The following TENM2 variants were observed in gnomAD, a reference collection of about 807,000 sequenced individuals.
TENM2 encodes teneurin-2.
A neutral mutation model predicts 245.2 loss-of-function variants in TENM2; 52 were observed. That is an observed-to-expected ratio of 0.21 (90% CI 0.17 to 0.27). TENM2 has a LOEUF of 0.27. Among genes scored for constraint, TENM2 ranks in the 10% least tolerant of loss-of-function variants. The probability of loss-of-function intolerance (pLI) is 1.00; values close to 1 mark genes in which losing one functional copy is unlikely to be tolerated. For synonymous variants in TENM2, 1,363 were observed against 1,438.9 expected, an observed-to-expected ratio of 0.95 and a Z score of 1.19; for missense variants, 3,046 against 3,666.8, an observed-to-expected ratio of 0.83 and a Z score of 4.37.
intron 2 of TENM2, among the ~76,000 whole-genome samples, chr5:167,669,389 A>T (rs1266954878): frequency 6.6e-6 from 1 of 152,344 alleles, no homozygotes; most frequent in Non-Finnish European, 1.5e-5. Context: ...ATGTGTGAAC[A>T]TGTCTTGCTC....
rs780008113 is a variant in TENM2, at chr5:168,262,031, G to C, written c.7564-18G>C. On this transcript the variant is annotated intron_variant, in intron 28 of 28. Transcript: ENST00000518659. ...CCAGCTCATCTTCTCAGCTTTCTCT[G>C]TTTTCTTATCCCCACAGCTCATTAC... The C allele has an allele frequency of 6.2e-7, 1 of 1,604,434 alleles. No homozygotes were observed. The highest frequency in any genetic ancestry group is 1.1e-5 in the South Asian group (1 of 90,716).
chr5:168,206,654 C>G (rs1762369626), intron 19 of TENM2, among the ~76,000 whole-genome samples: 2 of 152,182 alleles, frequency 1.3e-5, no homozygotes, highest in Admixed American at 1.3e-4. Context: ...TTTTCCTAGA[C>G]TTGCCCATCC....
chr5:168,177,748 G>GGT (rs1759485211), intron 13 of TENM2, among the ~76,000 whole-genome samples: 1 of 152,206 alleles, frequency 6.6e-6, no homozygotes, highest in Non-Finnish European at 1.5e-5. Context: ...GAAGCAGGAG[G>GGT]ATCTCTTGAA....
chr5:167,784,559 G>A (rs1254077601), intron 2 of TENM2, among the ~76,000 whole-genome samples: 2 of 152,158 alleles, frequency 1.3e-5, no homozygotes, highest in Admixed American at 6.5e-5. Flanking sequence ...TATAGTTCCT[G>A]CCTTCTGGGT....
intron 2 of TENM2, among the ~76,000 whole-genome samples, chr5:167,860,037 C>T (rs1205424661): frequency 4.7e-4 from 44 of 93,498 alleles, no homozygotes; most frequent in African/African-American, 1.3e-3. Flanking sequence ...CCCGGCCAGC[C>T]GCCCCGTCCG....
intron 2 of TENM2, among the ~76,000 whole-genome samples, chr5:167,793,950 C>T (rs1031826880): frequency 4.6e-5 from 7 of 151,732 alleles, no homozygotes; most frequent in African/African-American, 1.7e-4. Flanking sequence ...CTTCTGTATG[C>T]ACCTTTCTGC....
intron 5 of TENM2, among the ~76,000 whole-genome samples, chr5:168,006,442 C>T (rs1398934629): frequency 6.6e-6 from 1 of 152,132 alleles, no homozygotes; most frequent in Non-Finnish European, 1.5e-5. Context: ...GGCTTTAATG[C>T]CTTCGAATGC....
the TENM2 span, among the ~76,000 whole-genome samples, chr5:167,273,313 G>A: frequency 1.3e-5 from 2 of 152,114 alleles, no homozygotes; most frequent in African/African-American, 4.8e-5. Context: ...ATTGCCATCC[G>A]GTGATGGCCA....
At chr5:168,101,661 C>T (rs1184995895) in intron 9 of TENM2, among the ~76,000 whole-genome samples, 5 of 152,158 alleles carry the variant, frequency 3.3e-5, no homozygotes, top group African/African-American at 7.2e-5. Flanking sequence ...CATACTCAGT[C>T]GCTGCTCCTG....
At chr5:167,339,613 T>C (rs1462483246) in intron 1 of TENM2, among the ~76,000 whole-genome samples, 1 of 152,142 alleles carries the variant, frequency 6.6e-6, no homozygotes, top group African/African-American at 2.4e-5. Context: ...ATTTTTTTTT[T>C]TATTTTTTGC....
chr5:167,256,415 A>G, the TENM2 span, among the ~76,000 whole-genome samples: 1 of 152,150 alleles, frequency 6.6e-6, no homozygotes, highest in Non-Finnish European at 1.5e-5. Context: ...GCTAGAAATG[A>G]TGGGCATATT....
the TENM2 span, among the ~76,000 whole-genome samples, chr5:167,077,781 A>G: frequency 6.6e-6 from 1 of 152,196 alleles, no homozygotes; most frequent in African/African-American, 2.4e-5. Flanking sequence ...AAAAGTAATT[A>G]TAAAACATTA....
intron 2 of TENM2, among the ~76,000 whole-genome samples, chr5:167,492,769 G>A (rs1277728354): frequency 1.3e-5 from 2 of 152,046 alleles, no homozygotes; most frequent in Non-Finnish European, 2.9e-5. Flanking sequence ...TGAGGAAGAG[G>A]TTACATGTAT....
chr5:168,130,650 C>T (rs554454896), intron 12 of TENM2, among the ~76,000 whole-genome samples: 1 of 152,296 alleles, frequency 6.6e-6, no homozygotes, highest in Admixed American at 6.5e-5. Flanking sequence ...GTAATCCCAG[C>T]ACTTTGGGAG....
At chr5:168,263,896 A>G (rs963935444), downstream of TENM2, 1 of 152,640 alleles carries the variant, frequency 6.6e-6, no homozygotes, top group African/African-American at 2.4e-5. Flanking sequence ...AGACAATCAC[A>G]TGACAGTCAC....
the TENM2 span, among the ~76,000 whole-genome samples, chr5:167,270,794 G>A: frequency 3.9e-5 from 6 of 152,170 alleles, no homozygotes; most frequent in Admixed American, 3.9e-4. Flanking sequence ...AGGCCTTGGA[G>A]TTAGGCAGCT....
intron 2 of TENM2, among the ~76,000 whole-genome samples, chr5:167,377,523 T>A (rs148534785): frequency 6.6e-6 from 1 of 152,328 alleles, no homozygotes; most frequent in African/African-American, 2.4e-5. Flanking sequence ...AAACATTTTT[T>A]CAATATTTTA....
At chr5:167,384,086 C>T (rs139412463) in intron 2 of TENM2, among the ~76,000 whole-genome samples, 2 of 152,156 alleles carry the variant, frequency 1.3e-5, no homozygotes, top group Non-Finnish European at 2.9e-5. Flanking sequence ...TGATACCTAA[C>T]TATGTTATAG....
At chr5:167,743,065 C>T (rs568277598) in intron 2 of TENM2, among the ~76,000 whole-genome samples, 1 of 152,298 alleles carries the variant, frequency 6.6e-6, no homozygotes, top group South Asian at 2.1e-4. Flanking sequence ...AAATCCTTGA[C>T]TTCCTCTCAA....
Sources: allele counts gnomAD v4.1 joint callset (sites outside exome capture counted in the v4.1 genomes callset), GRCh38; gene constraint gnomAD v4.1.1; transcripts MANE v1.5; gene names NCBI Gene and HGNC (gene_info 2026-07-23, HGNC 2026-07-21).